The following ADAMTS13 variants were observed in gnomAD, a reference collection of about 807,000 sequenced individuals.
ADAMTS13 encodes A disintegrin and metalloproteinase with thrombospondin motifs 13.
In ADAMTS13, 110 loss-of-function variants were observed where a neutral mutation model predicts 155.1. The observed-to-expected ratio is 0.71, with a 90% CI of 0.61 to 0.83. The LOEUF (loss-of-function observed/expected upper bound fraction) is 0.83, where lower values mean the gene tolerates loss of function less well. Ranked by LOEUF, ADAMTS13 falls within the 40% of genes least tolerant of loss-of-function variation. The pLI is 0.00. For missense variants in ADAMTS13, 1,707 were observed against 1,891.7 expected (o/e 0.90, Z 1.81); for synonymous variants, 758 against 756.4 (o/e 1.00, Z -0.03).
In ADAMTS13 at chr9:133,455,937, G is replaced by T. The variant is rs996089161; in HGVS notation, c.3401-132G>T. The T allele has an allele frequency of 3.3e-6, 4 of 1,221,798 alleles. No individual in the cohort carries two copies. The African/African-American group carries it at 6.0e-5, about 18-fold the overall frequency. The allele number at this position is 1,221,798 out of a possible 1,614,324, so 75.7% of individuals were successfully genotyped here. A position where few individuals can be genotyped will look rare whatever the true frequency, so the allele number is the denominator to read the frequency against. ...CAGCCCCCCTCCCTGTCCTGAGAAG[G>T]CTTCCAGCTGGGCCTTGGAGGACAG... is the stretch of plus-strand genomic sequence containing the variant. On this transcript the variant is annotated intron_variant, in intron 25 of 28. Transcript: ENST00000355699.
At chr9:133,454,745 G>A (rs933688955) in intron 24 of ADAMTS13, 126 bp downstream of exon 24, 14 of 1,240,050 alleles carry the variant, frequency 1.1e-5, no homozygotes, top group African/African-American at 7.4e-5. Context: ...AGAGAGCTGC[G>A]CCCGTTGGTG....
rs1841736405 is a variant in ADAMTS13, at chr9:133,442,388, T to C, written c.1969-11T>C. The C allele has an allele frequency of 1.2e-6, 2 of 1,613,806 alleles. No individual in the cohort carries two copies. Among genetic ancestry groups the C allele is most frequent in the African/African-American group, 1.3e-5 (1 of 74,936 alleles). ...ACCCACTGGACAAGGCCTGAAGCTC[T>C]TTGTCTGCAGGTTTACAGGCGGTAT... On this transcript the variant is annotated splice_polypyrimidine_tract_variant and intron_variant, in intron 16 of 28. Transcript: ENST00000355699.
chr9:133,457,973 C>T lies in ADAMTS13; in HGVS notation c.3788C>T (p.Thr1263Met), dbSNP rs375824927. 5.8e-5 allele frequency: 93 copies of T among 1,613,742 alleles called. No individual in the cohort carries two copies. The highest frequency in any genetic ancestry group is 4.4e-4 in the South Asian group (40 of 91,086). The stretch of plus-strand genomic sequence containing the variant: ...GTGAGCCCCTCGCTGAGTCCAGCCA[C>T]GAGTAATGCAGGGGGCTGCCGGCTC... ...EIVSPSLSPA[T>M]SNAGGCRLFI... Residue 1263 changes from threonine to methionine, a missense_variant, in exon 28 of 29, where the codon ACG (threonine) becomes ATG (methionine). Around this residue, in one of 3 missense-constraint regions of ADAMTS13, gnomAD observed 961 missense variants for 1,107.9 expected, o/e 0.87. Coordinates refer to ENST00000355699, the MANE Select transcript of ADAMTS13 (RefSeq NM_139027.6).
chr9:133,427,115 TC>T (rs1473618933), intron 6 of ADAMTS13, among the ~76,000 whole-genome samples: 22 of 152,232 alleles, frequency 1.4e-4, no homozygotes, highest in African/African-American at 5.3e-4. Flanking sequence ...TCTTTTTTCT[TC>T]CTAGGGTAAG....
intron 11 of ADAMTS13, among the ~76,000 whole-genome samples, chr9:133,435,537 T>A (rs1390030354): frequency 1.7e-4 from 26 of 151,218 alleles, no homozygotes; most frequent in African/African-American, 9.7e-5. Context: ...TTCTTTATTT[T>A]TTTTTTTTTA....
intron 16 of ADAMTS13, 90 bp from the exon 17 acceptor site, chr9:133,442,306 CAAG>C (rs1841730920): frequency 2.5e-6 from 4 of 1,585,582 alleles, no homozygotes; most frequent in Non-Finnish European, 3.5e-6. Flanking sequence ...TATAGGGATG[CAAG>C]AAGAAGTTGG....
rs1554786744 is a variant in ADAMTS13, at chr9:133,429,993, G to A, written c.879G>A (p.Ala293=). 1 of 1,560,628 alleles carries A rather than the reference G, an allele frequency of 6.4e-7. No individual in the cohort carries two copies. The highest frequency in any genetic ancestry group is 8.6e-7 in the Non-Finnish European group (1 of 1,157,904). The stretch of plus-strand genomic sequence containing the variant: ...CGCCGCGGCCTCAACCCGGGTCCGC[G>A]GGGCACCCGCCGGATGCGCAGCCTG... ...WDPPRPQPGS[A]GHPPDAQPGL... is the part of the protein sequence containing the mutation. Residue 293 remains alanine (A), a synonymous_variant, in exon 8 of 29, where the codon GCG becomes GCA. Transcript: ENST00000355699.
At chr9:133,432,520 A>G in intron 8 of ADAMTS13, 68 bp from the exon 9 acceptor site, 2 of 1,352,854 alleles carry the variant, frequency 1.5e-6, no homozygotes, top group South Asian at 1.3e-5. Flanking sequence ...GGGACAGTTA[A>G]GGTTGGACAC....
chr9:133,446,034 C>T (rs1165086858), intron 21 of ADAMTS13, among the ~76,000 whole-genome samples: 2 of 152,192 alleles, frequency 1.3e-5, no homozygotes, highest in African/African-American at 2.4e-5. Flanking sequence ...AAGACAATAA[C>T]GCCCGGCAGT....
chr9:133,422,802 T>C (rs1239175085), intron 1 of ADAMTS13, among the ~76,000 whole-genome samples: 1 of 151,978 alleles, frequency 6.6e-6, no homozygotes, highest in Admixed American at 6.6e-5. Flanking sequence ...TGTAGGTTGC[T>C]CTTCTCTGCC....
chr9:133,434,075 G>A (rs1223142508), intron 11 of ADAMTS13, among the ~76,000 whole-genome samples: 5 of 151,406 alleles, frequency 3.3e-5, no homozygotes, highest in South Asian at 2.1e-4. Context: ...CAGCCTGGGC[G>A]ACAGAGTGAG....
At chr9:133,422,625 G>C in intron 1 of ADAMTS13, 77 bp downstream of exon 1, 1 of 1,436,424 alleles carries the variant, frequency 7.0e-7, no homozygotes, top group South Asian at 1.2e-5. Context: ...GGCGAGGGGA[G>C]TGCCAAATAG....
intron 11 of ADAMTS13, 118 bp from the exon 12 acceptor site, chr9:133,436,711 G>C: frequency 1.9e-6 from 2 of 1,079,778 alleles, no homozygotes; most frequent in Non-Finnish European, 2.7e-6. Flanking sequence ...GGCACGGCCT[G>C]GAGCTGAGGC....
chr9:133,438,275 C>G lies in ADAMTS13; in HGVS notation c.1614C>G (p.Ser538=). The stretch of plus-strand genomic sequence containing the variant: ...TTGGCTGTGATGGTAGGATGGACTC[C>G]CAGCAGGTATGGGACAGGTGCCAGG... ...RTFGCDGRMD[S]QQVWDRCQVC... The change falls in exon 14 of 29, where the codon TCC becomes TCG. Residue 538 remains serine (S), a synonymous_variant. Coordinates refer to ENST00000355699, the MANE Select transcript of ADAMTS13 (RefSeq NM_139027.6). 6.2e-7 allele frequency: 1 copy of G among 1,614,120 alleles called. No individual in the cohort carries two copies.
upstream of ADAMTS13, among the ~76,000 whole-genome samples, chr9:133,417,164 A>G (rs587690930): frequency 7.2e-5 from 11 of 152,288 alleles, no homozygotes; most frequent in East Asian, 2.1e-3. Context: ...GGCGCGCGCC[A>G]TCACGCCCGG....
rs908651473 is a variant in ADAMTS13, at chr9:133,440,809, T to C, written c.1968+284T>C. Among the ~76,000 whole-genome samples, 7 of 152,024 alleles carry C rather than the reference T, an allele frequency of 4.6e-5. No homozygotes were observed. Among genetic ancestry groups the C allele is most frequent in the Admixed American group, 1.3e-4 (2 of 15,268 alleles). On this transcript the variant is annotated intron_variant, in intron 16 of 28. Transcript: ENST00000355699. This position sits in a 1 kb window ranked among gnomAD's most constrained non-coding sequence, Gnocchi z 4.3. ...AAGGTTGGAGGGCCCAATGCAGGGG[T>C]CCAGGGCTCCCTGGGAAAGAGTGAT...
upstream of ADAMTS13, chr9:133,417,698 T>C: frequency 6.2e-7 from 1 of 1,614,188 alleles, no homozygotes; most frequent in Non-Finnish European, 8.5e-7. Context: ...GGCCGCTTGC[T>C]GGCTTCTTGC....
chr9:133,435,979 T>C (rs995205176), intron 11 of ADAMTS13, among the ~76,000 whole-genome samples: 33 of 140,478 alleles, frequency 2.3e-4, no homozygotes, highest in African/African-American at 6.5e-4. Context: ...TTTCTCTTCT[T>C]TTTTTTTTTT....
In ADAMTS13 at chr9:133,426,183, G is replaced by C; in HGVS notation, c.540-16G>C. The C allele has an allele frequency of 1.2e-6, 2 of 1,614,040 alleles. No individual in the cohort carries two copies. Among genetic ancestry groups the C allele is most frequent in the Non-Finnish European group, 1.7e-6 (2 of 1,180,038 alleles). ...GTGCCTTGGCACCACCCAAGTGACT[G>C]TTTTCTCTCACCGAGGTTTGACCTG... On this transcript the variant is annotated splice_polypyrimidine_tract_variant and intron_variant, in intron 5 of 28. Transcript: ENST00000355699.
Sources: gnomAD v4.1 joint callset for allele counts (sites outside exome capture counted in the v4.1 genomes callset) on GRCh38, gnomAD v4.1.1 for gene constraint, gnomAD v4.1.1 regional missense constraint, Gnocchi (gnomAD v3.1) non-coding constraint, MANE v1.5 for transcripts, NCBI Gene and HGNC (gene_info 2026-07-23, HGNC 2026-07-21) for gene names.